TSKU: variants seen among roughly 807,000 people sequenced by gnomAD.
TSKU encodes tsukushi, small leucine rich proteoglycan, also known as tsukushi.
In TSKU, 4 loss-of-function variants were observed where a neutral mutation model predicts 11.2. The ratio of observed to expected loss-of-function variants is 0.36; its 90% confidence interval spans 0.18 to 0.82. The LOEUF (loss-of-function observed/expected upper bound fraction) is 0.82, where lower values mean the gene tolerates loss of function less well. Ranked by LOEUF, TSKU falls within the 40% of genes least tolerant of loss-of-function variation. The probability of loss-of-function intolerance (pLI) is 0.50; values close to 1 mark genes in which losing one functional copy is unlikely to be tolerated. For synonymous variants in TSKU, 220 were observed against 232.2 expected (o/e 0.95, Z 0.48); for missense variants, 407 against 482.5 (o/e 0.84, Z 1.47).
chr11:76,795,749 A>C lies in TSKU; in HGVS notation c.133A>C (p.Ser45Arg). 6.2e-7 allele frequency: 1 copy of C among 1,614,150 alleles called. No homozygotes were observed. The highest frequency in any genetic ancestry group is 8.5e-7 in the Non-Finnish European group (1 of 1,180,018). Reference protein sequence around the residue: ...DSFSLTRVDCSGLGPHIMPVP... With the variant: ...DSFSLTRVDCRGLGPHIMPVP... ...CTTCAGCCTGACTCGGGTGGATTGT[A>C]GCGGCCTGGGCCCCCACATCATGCC... Residue 45 changes from serine to arginine, a missense_variant, in exon 2 of 2, where the codon AGC (serine) becomes CGC (arginine). Transcript: ENST00000333090.
In TSKU at chr11:76,796,741, AAC is replaced by A; in HGVS notation, c.*64_*65del. ...TCCTGGGCTGCCTCAGGTCCCGAGT[AAC>A]TTATGTTCAATGTGCCAACACCAGT... On this transcript the variant is annotated 3_prime_UTR_variant, in exon 2 of 2. Coordinates refer to ENST00000333090, the MANE Select transcript of TSKU (RefSeq NM_015516.4). The surrounding 1 kb of genome is among the most constrained non-coding windows in gnomAD (Gnocchi z 4.1). 7.6e-7 allele frequency: 1 copy of A among 1,310,800 alleles called. No homozygotes were observed. Among genetic ancestry groups the A allele is most frequent in the Non-Finnish European group, 1.0e-6 (1 of 986,942 alleles). 81.2% of individuals were successfully genotyped at this position (1,310,800 alleles called of 1,614,324 possible). A position where few individuals can be genotyped will look rare whatever the true frequency, so the allele number is the denominator to read the frequency against.
chr11:76,793,446 G>C (rs908391836), intron 1 of TSKU, among the ~76,000 whole-genome samples: 17 of 152,234 alleles, frequency 1.1e-4, no homozygotes, highest in Admixed American at 6.5e-5. Context: ...GTCGTATTTT[G>C]AGCTGCTGGT....
upstream of TSKU, chr11:76,783,267 C>G (rs553140916): frequency 5.3e-5 from 8 of 150,246 alleles, no homozygotes; most frequent in South Asian, 1.7e-3. Flanking sequence ...CGCCACCCGG[C>G]GCCCGGCAGG....
chr11:76,782,426 C>G (rs1417640350), upstream of TSKU: 2 of 151,992 alleles, frequency 1.3e-5, no homozygotes, highest in Admixed American at 6.6e-5. Flanking sequence ...AACTGCCCCT[C>G]TCCCAAGGTA....
At chr11:76,795,534 G>C in intron 1 of TSKU, 75 bp from the exon 2 acceptor site, 1 of 1,529,414 alleles carries the variant, frequency 6.5e-7, no homozygotes, top group Non-Finnish European at 8.8e-7. Context: ...ACAGTGTCTA[G>C]ACTGGGCTCA....
chr11:76,795,898 C>T lies in TSKU; in HGVS notation c.282C>T (p.Asn94=), dbSNP rs777274976. The T allele has an allele frequency of 6.2e-7, 1 of 1,613,900 alleles. No homozygotes were observed. Among genetic ancestry groups the T allele is most frequent in the Non-Finnish European group, 8.5e-7 (1 of 1,180,018 alleles). Residue 94 remains asparagine (N), a synonymous_variant, in exon 2 of 2, where the codon AAC becomes AAT. Transcript: ENST00000333090. The part of the protein sequence containing the change: ...TTLAGLDLSH[N]LLTSISPTAF... ...TGGCTGGCCTGGATCTCAGCCACAA[C>T]CTGCTCACCAGCATCTCACCCACTG...
At chr11:76,789,249 C>T (rs1944341283) in intron 1 of TSKU, among the ~76,000 whole-genome samples, 3 of 152,156 alleles carry the variant, frequency 2.0e-5, no homozygotes, top group Admixed American at 6.5e-5. Context: ...CTTTGGCTGT[C>T]AAGGAGGGTT....
chr11:76,786,283 C>T (rs902441990), intron 1 of TSKU, among the ~76,000 whole-genome samples: 3 of 152,194 alleles, frequency 2.0e-5, no homozygotes, highest in Non-Finnish European at 2.9e-5. Flanking sequence ...AGTACCTTGT[C>T]GGGGGCAGCC....
rs545326804 is a variant in TSKU at position 76,796,273 on chromosome 11, C to T, written c.657C>T (p.Val219=). Residue 219 remains valine (V), a synonymous_variant, in exon 2 of 2, where the codon GTC becomes GTT. Coordinates refer to ENST00000333090, the MANE Select transcript of TSKU (RefSeq NM_015516.4). The surrounding 1 kb of genome is among the most constrained non-coding windows in gnomAD (Gnocchi z 4.1). ...GCCTGGATGGGAACCCTCTAGCTGT[C>T]ATTGGTCCGGGTGCCTTCGCGGGGC... ...YLSLDGNPLA[V]IGPGAFAGLG... The T allele has an allele frequency of 1.2e-6, 2 of 1,613,440 alleles. No individual in the cohort carries two copies. Among genetic ancestry groups the T allele is most frequent in the East Asian group, 2.2e-5 (1 of 44,856 alleles).
At chr11:76,791,873 T>C (rs1008158414) in intron 1 of TSKU, 12 of 152,228 alleles carry the variant, frequency 7.9e-5, no homozygotes, top group African/African-American at 2.7e-4. Context: ...GGAGAACCTC[T>C]GCTAGGGCAG....
rs543552034 is a variant in TSKU, at chr11:76,795,701, G to C, written c.85G>C (p.Glu29Gln). The C allele has an allele frequency of 3.1e-6, 5 of 1,614,058 alleles. No individual in the cohort carries two copies. Among genetic ancestry groups the C allele is most frequent in the Non-Finnish European group, 4.2e-6 (5 of 1,180,046 alleles). ...PCFPGCQCEV[E>Q]TFGLFDSFSL... is the part of the protein sequence containing the mutation. The stretch of plus-strand genomic sequence containing the variant: ...CTTCCCCGGGTGCCAATGCGAGGTG[G>C]AGACCTTCGGCCTTTTCGACAGCTT... The change falls in exon 2 of 2, where the codon GAG (glutamate) becomes CAG (glutamine). Residue 29 changes from glutamate to glutamine, a missense_variant. By Grantham distance (29) the Glu-to-Gln change is conservative. Coordinates refer to ENST00000333090, the MANE Select transcript of TSKU (RefSeq NM_015516.4).
At chr11:76,794,126 T>C (rs576359521) in intron 1 of TSKU, among the ~76,000 whole-genome samples, 6 of 152,318 alleles carry the variant, frequency 3.9e-5, no homozygotes, top group African/African-American at 1.4e-4. Flanking sequence ...TCTCCCAGGC[T>C]GCTGAGGGGC....
chr11:76,789,648 C>T (rs1199270863), intron 1 of TSKU, among the ~76,000 whole-genome samples: 1 of 152,284 alleles, frequency 6.6e-6, no homozygotes, highest in South Asian at 2.1e-4. Context: ...TCCTCCTGTT[C>T]TTGTGTTTTA....
At chr11:76,784,629 C>G (rs1271483436) in intron 1 of TSKU, among the ~76,000 whole-genome samples, 1 of 152,206 alleles carries the variant, frequency 6.6e-6, no homozygotes, top group Admixed American at 6.5e-5. Flanking sequence ...GAGAGCAGCG[C>G]CAGCCCACAC....
chr11:76,796,682 A>G lies in TSKU; in HGVS notation c.*4A>G. 7.6e-6 allele frequency: 11 copies of G among 1,447,988 alleles called. No homozygotes were observed. The highest frequency in any genetic ancestry group is 1.0e-5 in the Non-Finnish European group (11 of 1,096,488). The allele number at this position is 1,447,988 out of a possible 1,614,324, so 89.7% of individuals were successfully genotyped here. ...CAGGGGCCCCACCATCTTGTGACAA[A>G]TGGTGTGGCCCAGGGCCACATAACA... is the stretch of plus-strand genomic sequence containing the variant. On this transcript the variant is annotated 3_prime_UTR_variant, in exon 2 of 2. Transcript: ENST00000333090. This position sits in a 1 kb window ranked among gnomAD's most constrained non-coding sequence, Gnocchi z 4.1.
chr11:76,794,380 T>C lies in TSKU; in HGVS notation c.-8-1229T>C, dbSNP rs1050008338. ...TGTAATTGTACAGAGGGAACTGAGA[T>C]CTGAGGAGGGACACTGGCTCATGCC... On this transcript the variant is annotated intron_variant, in intron 1 of 1. Coordinates refer to ENST00000333090, the MANE Select transcript of TSKU (RefSeq NM_015516.4). Among the ~76,000 whole-genome samples the C allele has an allele frequency of 2.0e-5, 3 of 152,190 alleles. No homozygotes were observed. In the East Asian group the frequency reaches 5.8e-4, roughly 29 times the overall value.
rs1487374391 is a variant in TSKU, at chr11:76,795,743, G to T, written c.127G>T (p.Asp43Tyr). 6 of 1,614,086 alleles carry T rather than the reference G, an allele frequency of 3.7e-6. No homozygotes were observed. Among genetic ancestry groups the T allele is most frequent in the African/African-American group, 1.3e-5 (1 of 74,946 alleles). The change falls in exon 2 of 2, where the codon GAT becomes TAT. Residue 43 changes from aspartate (D) to tyrosine (Y), a missense_variant. By Grantham distance (160) the Asp-to-Tyr change is radical. Transcript: ENST00000333090. The stretch of plus-strand genomic sequence containing the variant: ...CGACAGCTTCAGCCTGACTCGGGTG[G>T]ATTGTAGCGGCCTGGGCCCCCACAT... ...LFDSFSLTRV[D>Y]CSGLGPHIMP...
chr11:76,787,201 C>T (rs777326558), intron 1 of TSKU, among the ~76,000 whole-genome samples: 3 of 152,194 alleles, frequency 2.0e-5, no homozygotes, highest in Admixed American at 2.0e-4. Context: ...ACCCAGACTG[C>T]CTGGCTACAA....
intron 1 of TSKU, among the ~76,000 whole-genome samples, chr11:76,784,915 G>C (rs1944296462): frequency 6.6e-6 from 1 of 152,222 alleles, no homozygotes; most frequent in South Asian, 2.1e-4. Context: ...ACCTGGGAAA[G>C]AAACAACTGT....
Sources: allele counts gnomAD v4.1 joint callset (sites outside exome capture counted in the v4.1 genomes callset), GRCh38; gene constraint gnomAD v4.1.1; non-coding constraint Gnocchi (gnomAD v3.1); transcripts MANE v1.5; gene names NCBI Gene and HGNC (gene_info 2026-07-23, HGNC 2026-07-21).